Variants in UBE4A observed in about 807,000 individuals in gnomAD.
UBE4A encodes the protein ubiquitin conjugation factor E4 A.
A neutral mutation model predicts 117.9 loss-of-function variants in UBE4A; 48 were observed. The observed-to-expected ratio is 0.41, with a 90% CI of 0.32 to 0.52. The LOEUF is 0.52. Among genes scored for constraint, UBE4A ranks in the 20% least tolerant of loss-of-function variants. The pLI, the probability that UBE4A is intolerant of heterozygous loss-of-function variation, is 0.33. For synonymous variants in UBE4A, 407 were observed against 450.0 expected, an observed-to-expected ratio of 0.90 and a Z score of 1.21; for missense variants, 1,067 against 1,296.3, an observed-to-expected ratio of 0.82 and a Z score of 2.72.
rs781322229 is a variant in UBE4A at position 118,371,564 on chromosome 11, C to T, written c.459C>T (p.Asn153=). 1.1e-5 allele frequency: 18 copies of T among 1,614,002 alleles called. No individual in the cohort carries two copies. In the South Asian group the frequency reaches 1.8e-4, roughly 16 times the overall value. ...AAGATCCAGGCAACCACTTAATTAACATGACTTCTTCTACAACGCTAAATC... is the reference window on the plus strand; with the variant it reads ...AAGATCCAGGCAACCACTTAATTAATATGACTTCTTCTACAACGCTAAATC... ...LLQDPGNHLI[N]MTSSTTLNLS... The change falls in exon 5 of 20, where the codon AAC becomes AAT. Residue 153 remains asparagine (N), a synonymous_variant. Transcript: ENST00000252108.
chr11:118,396,484 T>A lies in UBE4A; in HGVS notation c.*44T>A, dbSNP rs1555129780. ...ACCAAAACCAACCCCAGAGTGCAGA[T>A]AAACAATTGTTTGTGGTTTCTCTCT... is the stretch of plus-strand genomic sequence containing the variant. On this transcript the variant is annotated 3_prime_UTR_variant, in exon 20 of 20. Coordinates refer to ENST00000252108, the MANE Select transcript of UBE4A (RefSeq NM_001204077.2). The A allele has an allele frequency of 7.0e-6, 11 of 1,576,886 alleles. No individual in the cohort carries two copies. The highest frequency in any genetic ancestry group is 9.4e-6 in the Non-Finnish European group (11 of 1,165,146).
intron 19 of UBE4A, among the ~76,000 whole-genome samples, 200 bp downstream of exon 19, chr11:118,393,095 C>T (rs1421171568): frequency 6.6e-6 from 1 of 152,180 alleles, no homozygotes; most frequent in Non-Finnish European, 1.5e-5. Flanking sequence ...GAAATGCTAA[C>T]TCTAACCTCA....
Position 118,376,628 on chromosome 11 carries a change from A to G in UBE4A, c.1505A>G (p.Gln502Arg). ...GCTGTGCAGGAGCCGAAGTTTCCACAGAACTACAACCTTGTAACAGAGAAC... is the reference window on the plus strand; with the variant it reads ...GCTGTGCAGGAGCCGAAGTTTCCACGGAACTACAACCTTGTAACAGAGAAC... ...IPAVQEPKFP[Q>R]NYNLVTENLA... is the part of the protein sequence containing the mutation. Residue 502 changes from glutamine to arginine, a missense_variant, in exon 10 of 20, where the codon CAG becomes CGG. Gln to Arg is a conservative substitution (Grantham distance 43). Transcript: ENST00000252108. 6.2e-7 allele frequency: 1 copy of G among 1,614,126 alleles called. No individual in the cohort carries two copies. Among genetic ancestry groups the G allele is most frequent in the Non-Finnish European group, 8.5e-7 (1 of 1,180,010 alleles).
In UBE4A at chr11:118,375,232, A is replaced by T. The variant is rs1948641281; in HGVS notation, c.1450+3A>T. 1 of 1,595,562 alleles carries T rather than the reference A, an allele frequency of 6.3e-7. No individual in the cohort carries two copies. The highest frequency in any genetic ancestry group is 8.6e-7 in the Non-Finnish European group (1 of 1,168,370). Reference sequence around the variant, plus strand: ...AATTAAAAATGTACACATGAGAGGTAGGAGAGAACCAGGCTTCTCAAAACT... The same window carrying T: ...AATTAAAAATGTACACATGAGAGGTTGGAGAGAACCAGGCTTCTCAAAACT... On this transcript the variant is annotated splice_donor_region_variant and intron_variant, in intron 9 of 19. Coordinates refer to ENST00000252108, the MANE Select transcript of UBE4A (RefSeq NM_001204077.2).
At chr11:118,367,827 T>C (rs1948576852) in intron 2 of UBE4A, among the ~76,000 whole-genome samples, 1 of 152,186 alleles carries the variant, frequency 6.6e-6, no homozygotes, top group African/African-American at 2.4e-5. Flanking sequence ...ATGTTCAAGC[T>C]CTTTGATCCA....
Position 118,386,478 on chromosome 11 carries a change from G to A in UBE4A, c.2453G>A (p.Arg818Gln), listed in dbSNP as rs140104100. 2.6e-4 allele frequency: 412 copies of A among 1,608,172 alleles called. 1 individual carries two copies. The highest frequency in any genetic ancestry group is 3.1e-4 in the Non-Finnish European group (371 of 1,178,160). ...AAGATTCAGCAAATTGAGAAGGATC[G>A]AGGTGAATGGGATAGTCTGACTCCA... ...KIKIQQIEKD[R>Q]GEWDSLTPEA... Residue 818 changes from arginine (R) to glutamine (Q), a missense_variant, in exon 16 of 20, where the codon CGA (arginine) becomes CAA (glutamine). Physicochemically the swap from Arg to Gln is conservative, Grantham distance 43. This residue lies in a region of UBE4A where 1,001 missense variants were observed against 1,184.0 expected (regional missense o/e 0.85). Coordinates refer to ENST00000252108, the MANE Select transcript of UBE4A (RefSeq NM_001204077.2).
chr11:118,382,731 C>T lies in UBE4A; in HGVS notation c.2152C>T (p.Leu718Phe), dbSNP rs1555126552. Residue 718 changes from leucine to phenylalanine, a missense_variant, in exon 13 of 20, where the codon CTT becomes TTT. Around this residue, in one of 3 missense-constraint regions of UBE4A, gnomAD observed 1,001 missense variants for 1,184.0 expected, o/e 0.85. Transcript: ENST00000252108. ...VFCNFQYAPQ[L>F]AEALIKVFVD... is the part of the protein sequence containing the mutation. The stretch of plus-strand genomic sequence containing the variant: ...CTGCAACTTTCAGTATGCACCCCAA[C>T]TTGCAGAGGCTCTAATCAAGGTTTT... 1 of 1,602,216 alleles carries T rather than the reference C, an allele frequency of 6.2e-7. No homozygotes were observed.
intron 2 of UBE4A, 43 bp downstream of exon 2, chr11:118,365,244 T>TG: frequency 6.7e-7 from 1 of 1,498,752 alleles, no homozygotes; most frequent in Non-Finnish European, 8.9e-7. Flanking sequence ...TGACCTAGAA[T>TG]GGGGTCTTCC....
intron 10 of UBE4A, among the ~76,000 whole-genome samples, chr11:118,378,089 T>C (rs1948669422): frequency 6.6e-6 from 1 of 151,402 alleles, no homozygotes; most frequent in Non-Finnish European, 1.5e-5. Context: ...CTACTAAAAA[T>C]ACAAAAAATT....
At chr11:118,391,496 GAAAA>G (rs1948816968) in intron 18 of UBE4A, among the ~76,000 whole-genome samples, 1 of 131,408 alleles carries the variant, frequency 7.6e-6, no homozygotes, top group Admixed American at 7.6e-5. Context: ...AAAAAAAAAA[GAAAA>G]AAGAAATTTA....
intron 1 of UBE4A, among the ~76,000 whole-genome samples, chr11:118,363,308 G>A (rs1398538627): frequency 2.0e-5 from 3 of 152,240 alleles, no homozygotes; most frequent in Non-Finnish European, 2.9e-5. Flanking sequence ...TTGGGAGGCC[G>A]CGGTGGGAGG....
chr11:118,360,613 C>T (rs1398632697), intron 1 of UBE4A, among the ~76,000 whole-genome samples: 4 of 152,134 alleles, frequency 2.6e-5, no homozygotes, highest in African/African-American at 7.2e-5. Context: ...TTGATTTTGA[C>T]GATCCCAGTT....
At chr11:118,366,728 C>T (rs1352876222) in intron 2 of UBE4A, among the ~76,000 whole-genome samples, 1 of 152,228 alleles carries the variant, frequency 6.6e-6, no homozygotes, top group Non-Finnish European at 1.5e-5. Flanking sequence ...CATATAGACT[C>T]ATATGTGGCA....
chr11:118,383,923 G>T (rs1555126757), intron 13 of UBE4A, among the ~76,000 whole-genome samples: 3 of 152,040 alleles, frequency 2.0e-5, no homozygotes, highest in African/African-American at 7.3e-5. Flanking sequence ...TAATACATAA[G>T]AAATTGTATA....
At position 118,396,773 on chromosome 11, in the gene UBE4A, G is replaced by A. The variant is rs374067720; in HGVS notation, c.*333G>A. 1.0e-4 allele frequency: 20 copies of A among 199,874 alleles called. No individual in the cohort carries two copies. Among genetic ancestry groups the A allele is most frequent in the Admixed American group, 5.1e-4 (8 of 15,724 alleles). 12.4% of individuals were successfully genotyped at this position (199,874 alleles called of 1,614,324 possible). On this transcript the variant is annotated 3_prime_UTR_variant, in exon 20 of 20. Coordinates refer to ENST00000252108, the MANE Select transcript of UBE4A (RefSeq NM_001204077.2). ...ATTATTTCAACTACTAAAACTTCCC[G>A]CCACCCTGCTATTTCTCTTCCAATT... is the stretch of plus-strand genomic sequence containing the variant.
Position 118,376,639 on chromosome 11 carries a change from C to G in UBE4A, c.1516C>G (p.Leu506Val). The G allele has an allele frequency of 6.2e-7, 1 of 1,613,920 alleles. No individual in the cohort carries two copies. The highest frequency in any genetic ancestry group is 8.5e-7 in the Non-Finnish European group (1 of 1,179,984). Residue 506 changes from leucine (L) to valine (V), a missense_variant, in exon 10 of 20, where the codon CTT becomes GTT. By Grantham distance (32) the Leu-to-Val change is conservative. Coordinates refer to ENST00000252108, the MANE Select transcript of UBE4A (RefSeq NM_001204077.2). The part of the protein sequence containing the change: ...QEPKFPQNYN[L>V]VTENLALTEY... ...GCCGAAGTTTCCACAGAACTACAAC[C>G]TTGTAACAGAGAACCTTGCTCTGAC...
Position 118,384,874 on chromosome 11 carries a change from C to T in UBE4A, c.2341C>T (p.Pro781Ser). ...YASKNLEAMNPPLFLRFLNLL... is the reference protein window; with the variant it reads ...YASKNLEAMNSPLFLRFLNLL... ...CTCTAAGAATTTAGAAGCCATGAAT[C>T]CCCCACTTTTCCTCCGCTTTCTTAA... The change falls in exon 15 of 20, where the codon CCC becomes TCC. Residue 781 changes from proline (P) to serine (S), a missense_variant. Pro to Ser is a moderately conservative substitution (Grantham distance 74, BLOSUM62 -1). This residue lies in a region of UBE4A where 1,001 missense variants were observed against 1,184.0 expected (regional missense o/e 0.85). Transcript: ENST00000252108. 6.2e-7 allele frequency: 1 copy of T among 1,613,384 alleles called. No homozygotes were observed. Among genetic ancestry groups the T allele is most frequent in the South Asian group, 1.1e-5 (1 of 91,038 alleles).
chr11:118,375,055 T>C lies in UBE4A; in HGVS notation c.1276T>C (p.Phe426Leu). 6.2e-7 allele frequency: 1 copy of C among 1,614,206 alleles called. No individual in the cohort carries two copies. Residue 426 changes from phenylalanine to leucine, a missense_variant, in exon 9 of 20, where the codon TTC (phenylalanine) becomes CTC (leucine). By Grantham distance (22) the Phe-to-Leu change is conservative. Around this residue, in one of 3 missense-constraint regions of UBE4A, gnomAD observed 1,001 missense variants for 1,184.0 expected, o/e 0.85. Coordinates refer to ENST00000252108, the MANE Select transcript of UBE4A (RefSeq NM_001204077.2). ...IWANQMPEIFFQMYASDAFFL... is the reference protein window; with the variant it reads ...IWANQMPEIFLQMYASDAFFL... The stretch of plus-strand genomic sequence containing the variant: ...GGCCAATCAGATGCCAGAAATCTTT[T>C]TCCAAATGTATGCCTCAGATGCTTT...
intron 13 of UBE4A, among the ~76,000 whole-genome samples, chr11:118,383,958 A>G (rs1948730969): frequency 6.6e-6 from 1 of 152,172 alleles, no homozygotes; most frequent in African/African-American, 2.4e-5. Context: ...TTATCTCGTT[A>G]TGTGACCATA....
Sources: allele counts gnomAD v4.1 joint callset (sites outside exome capture counted in the v4.1 genomes callset), GRCh38; gene constraint gnomAD v4.1.1; regional missense constraint gnomAD v4.1.1; transcripts MANE v1.5; gene names NCBI Gene and HGNC (gene_info 2026-07-23, HGNC 2026-07-21).